IL1RAPL2: variants seen among roughly 807,000 people sequenced by gnomAD.
The protein encoded by IL1RAPL2 is X-linked interleukin-1 receptor accessory protein-like 2.
Under a neutral mutation model 44.1 loss-of-function variants are expected in IL1RAPL2, and 3 were observed. That is an observed-to-expected ratio of 0.07 (90% confidence interval 0.03 to 0.18). IL1RAPL2 has a LOEUF of 0.18. IL1RAPL2 is among the 10% of genes least tolerant of loss of function. IL1RAPL2 has a pLI of 1.00. For missense variants in IL1RAPL2, 391 were observed against 496.4 expected (o/e 0.79, Z 2.02); for synonymous variants, 181 against 178.8 (o/e 1.01, Z -0.10).
chrX:105,551,734 A>G (rs1489997823), intron 6 of IL1RAPL2, among the ~76,000 whole-genome samples: 1 of 112,158 alleles, frequency 8.9e-6, no homozygotes, highest in Non-Finnish European at 1.9e-5. Flanking sequence ...CTAATTATCC[A>G]GGTTACATTT....
chrX:105,431,635 G>T (rs1295164815), intron 5 of IL1RAPL2, among the ~76,000 whole-genome samples: 1 of 111,150 alleles, frequency 9.0e-6, no homozygotes. Context: ...GACGGCTTTA[G>T]GCAAAGAGAG....
intron 2 of IL1RAPL2, among the ~76,000 whole-genome samples, chrX:104,847,559 T>G (rs1922089503): frequency 8.9e-6 from 1 of 111,866 alleles, no homozygotes; most frequent in Non-Finnish European, 1.9e-5. Flanking sequence ...TATATCTCTG[T>G]TTTGGTACCA....
intron 1 of IL1RAPL2, among the ~76,000 whole-genome samples, chrX:104,636,136 C>T (rs1929798968): frequency 8.9e-6 from 1 of 112,025 alleles, no homozygotes; most frequent in Non-Finnish European, 1.9e-5. Context: ...TGGGTATCAG[C>T]AGCGGAGGCT....
chrX:104,593,563 A>G (rs1237598240), intron 1 of IL1RAPL2, among the ~76,000 whole-genome samples: 2 of 111,993 alleles, frequency 1.8e-5, no homozygotes, highest in Admixed American at 9.5e-5. Flanking sequence ...GCTCAGCCCC[A>G]TCCCCTATTT....
chrX:105,339,546 A>T (rs907934787), intron 5 of IL1RAPL2, among the ~76,000 whole-genome samples: 4 of 111,654 alleles, frequency 3.6e-5, no homozygotes, highest in Non-Finnish European at 7.5e-5. Context: ...AAAATGAAGG[A>T]TCAATTTTAA....
At chrX:105,311,322 T>C (rs1389498977) in intron 5 of IL1RAPL2, among the ~76,000 whole-genome samples, 1 of 110,479 alleles carries the variant, frequency 9.1e-6, no homozygotes, top group Non-Finnish European at 1.9e-5. Flanking sequence ...TGCCTTCTAT[T>C]TGCTGTGTAT....
chrX:104,684,058 T>C (rs1017645059), intron 2 of IL1RAPL2, among the ~76,000 whole-genome samples: 1 of 111,785 alleles, frequency 8.9e-6, no homozygotes, highest in Non-Finnish European at 1.9e-5. Context: ...ACTCAATCGA[T>C]TGTTTACTAT....
At chrX:104,746,890 T>C (rs1268499573) in intron 2 of IL1RAPL2, among the ~76,000 whole-genome samples, 1 of 111,368 alleles carries the variant, frequency 9.0e-6, no homozygotes, top group Non-Finnish European at 1.9e-5. Context: ...GATTAAGTTA[T>C]TCTGTAGGCC....
At chrX:105,281,986 G>GAA (rs200689306) in intron 5 of IL1RAPL2, among the ~76,000 whole-genome samples, 8 of 109,574 alleles carry the variant, frequency 7.3e-5, no homozygotes, top group African/African-American at 2.7e-4. Flanking sequence ...AGCTTGAATG[G>GAA]AAAAAAAATA....
intron 2 of IL1RAPL2, among the ~76,000 whole-genome samples, chrX:104,980,946 A>G (rs1263030305): frequency 2.7e-5 from 3 of 111,227 alleles, no homozygotes; most frequent in African/African-American, 9.8e-5. Flanking sequence ...ATCCATCAGC[A>G]TGGAATGCTT....
chrX:105,538,763 G>C (rs2036698318), intron 6 of IL1RAPL2, among the ~76,000 whole-genome samples: 2 of 111,611 alleles, frequency 1.8e-5, no homozygotes, highest in Non-Finnish European at 3.8e-5. Flanking sequence ...TCTCTTCACT[G>C]ACAATATAAT....
intron 2 of IL1RAPL2, among the ~76,000 whole-genome samples, chrX:104,798,269 G>A (rs1295309065): frequency 9.0e-6 from 1 of 110,874 alleles, no homozygotes; most frequent in Non-Finnish European, 1.9e-5. Flanking sequence ...CATCGCCAGA[G>A]TCAGTCTAAG....
intron 3 of IL1RAPL2, among the ~76,000 whole-genome samples, chrX:105,202,856 A>G (rs1186965626): frequency 1.8e-5 from 2 of 112,077 alleles, no homozygotes; most frequent in African/African-American, 6.5e-5. Flanking sequence ...CTGAAGGAAA[A>G]TATATAATAA....
In IL1RAPL2 at chrX:105,650,994, G is replaced by T. The variant is rs140395543; in HGVS notation, c.773-66373G>T. ...GCATTTGTCATTGAGAAAAGGAAAAGAAGCTAGTTTTTAAAATATTCTTGG... is the reference window on the plus strand; with the variant it reads ...GCATTTGTCATTGAGAAAAGGAAAATAAGCTAGTTTTTAAAATATTCTTGG... On this transcript the variant is annotated intron_variant, in intron 6 of 10. Coordinates refer to ENST00000372582, the MANE Select transcript of IL1RAPL2 (RefSeq NM_017416.2). Among the ~76,000 whole-genome samples the T allele has an allele frequency of 6.2e-5, 7 of 112,459 alleles. No individual in the cohort carries two copies. The East Asian group carries it at 1.9e-3, about 31-fold the overall frequency.
chrX:105,318,770 C>G (rs6652918), intron 5 of IL1RAPL2, among the ~76,000 whole-genome samples: 1 of 111,218 alleles, frequency 9.0e-6, no homozygotes, highest in African/African-American at 3.3e-5. Flanking sequence ...CTGCCTGTCT[C>G]AGGTACTCTC....
intron 6 of IL1RAPL2, among the ~76,000 whole-genome samples, chrX:105,503,144 C>A (rs1203983564): frequency 1.8e-5 from 2 of 110,995 alleles, no homozygotes; most frequent in Non-Finnish European, 3.8e-5. Context: ...ATGATTAGTA[C>A]AATTAAAGCA....
At chrX:105,376,627 C>A (rs967619848) in intron 5 of IL1RAPL2, among the ~76,000 whole-genome samples, 1 of 111,700 alleles carries the variant, frequency 9.0e-6, no homozygotes, top group African/African-American at 3.3e-5. Context: ...AAAAGAGCCA[C>A]TGAGTTCCTA....
chrX:104,715,614 A>T (rs1423397429), intron 2 of IL1RAPL2, among the ~76,000 whole-genome samples: 1 of 108,643 alleles, frequency 9.2e-6, no homozygotes, highest in Non-Finnish European at 1.9e-5. Flanking sequence ...AATCACTAAT[A>T]TTCCTATACA....
chrX:105,042,853 A>T (rs1467505339), intron 2 of IL1RAPL2, among the ~76,000 whole-genome samples: 1 of 107,914 alleles, frequency 9.3e-6, no homozygotes, highest in South Asian at 4.2e-4. Context: ...GATAGAGTGG[A>T]TTAAGAAAAT....
Sources: gnomAD v4.1 joint callset for allele counts (sites outside exome capture counted in the v4.1 genomes callset) on GRCh38, gnomAD v4.1.1 for gene constraint, MANE v1.5 for transcripts, NCBI Gene and HGNC (gene_info 2026-07-23, HGNC 2026-07-21) for gene names.